CSMD2: variants seen among roughly 807,000 people sequenced by gnomAD.
The protein encoded by CSMD2 is CUB and sushi domain-containing protein 2.
Under a neutral mutation model 398.5 loss-of-function variants are expected in CSMD2, and 130 were observed. That is an observed-to-expected ratio of 0.33 (90% CI 0.28 to 0.38). CSMD2 has a LOEUF of 0.38. Among genes scored for constraint, CSMD2 ranks in the 10% least tolerant of loss-of-function variants. The pLI, the probability that CSMD2 is intolerant of heterozygous loss-of-function variation, is 1.00. For synonymous variants in CSMD2, 1,828 were observed against 1,908.5 expected (o/e 0.96, Z 1.10); for missense variants, 3,829 against 4,764.9 (o/e 0.80, Z 5.78).
intron 10 of CSMD2, among the ~76,000 whole-genome samples, chr1:33,797,239 G>C (rs899325538): frequency 3.9e-5 from 6 of 152,130 alleles, no homozygotes; most frequent in African/African-American, 1.4e-4. Context: ...AATAAAACTT[G>C]CTGGCTTTAA....
intron 13 of CSMD2, among the ~76,000 whole-genome samples, chr1:33,758,262 C>A (rs1649321352): frequency 6.6e-6 from 1 of 152,204 alleles, no homozygotes; most frequent in Non-Finnish European, 1.5e-5. Flanking sequence ...GCTCCTCCCC[C>A]ACTTACCCTT....
At chr1:34,130,205 A>T (rs1663193332) in intron 1 of CSMD2, among the ~76,000 whole-genome samples, 1 of 151,950 alleles carries the variant, frequency 6.6e-6, no homozygotes, top group African/African-American at 2.4e-5. Flanking sequence ...CAAGTAAACA[A>T]CAGTAGATCA....
intron 1 of CSMD2, among the ~76,000 whole-genome samples, chr1:34,111,231 T>G (rs867589443): frequency 1.3e-5 from 2 of 152,138 alleles, no homozygotes; most frequent in African/African-American, 4.8e-5. Context: ...AAAGTACAAT[T>G]CATATGGACC....
intron 53 of CSMD2, among the ~76,000 whole-genome samples, chr1:33,566,742 T>C (rs942273912): frequency 6.6e-6 from 1 of 152,196 alleles, no homozygotes; most frequent in Non-Finnish European, 1.5e-5. Context: ...GAGATACTAG[T>C]TATGAATATC....
rs1001697715 is a variant in CSMD2, at chr1:33,750,170, G to A, written c.1847-6564C>T. ...AATTCATATTACTAAGATGAAAAGT[G>A]TCCTAAATCATGGTACAAATTTAAC... On this transcript the variant is annotated intron_variant, in intron 13 of 70. Transcript: ENST00000373381. Among the ~76,000 whole-genome samples the A allele has an allele frequency of 4.6e-5, 7 of 151,970 alleles. No homozygotes were observed. The South Asian group carries it at 8.3e-4, about 18-fold the overall frequency.
chr1:33,778,896 C>T (rs1368574188), intron 12 of CSMD2, among the ~76,000 whole-genome samples: 1 of 152,100 alleles, frequency 6.6e-6, no homozygotes, highest in Non-Finnish European at 1.5e-5. Context: ...TGTCCTTCTC[C>T]CTCAGCTCTC....
intron 25 of CSMD2, among the ~76,000 whole-genome samples, chr1:33,677,288 A>C (rs926430270): frequency 1.4e-4 from 22 of 152,234 alleles, no homozygotes; most frequent in African/African-American, 5.3e-4. Context: ...ACCCCATCAA[A>C]AAGTGGGCAA....
chr1:34,087,089 C>G (rs2618774), intron 2 of CSMD2, among the ~76,000 whole-genome samples: 114,716 of 151,922 alleles, frequency 0.76, 43,886 homozygotes, highest in East Asian at 0.99. Context: ...AAAGTGGGCT[C>G]TGCCACAGCA....
At chr1:33,605,173 C>T in intron 42 of CSMD2, 109 bp downstream of exon 42, 1 of 1,095,814 alleles carries the variant, frequency 9.1e-7, no homozygotes, top group Non-Finnish European at 1.3e-6. Flanking sequence ...TTGCCTGGAC[C>T]TCCAGCCCTG....
In CSMD2 at chr1:33,528,402, G is replaced by C. The variant is rs144108421; in HGVS notation, c.10172-1144C>G. 4.3e-3 allele frequency among the ~76,000 whole-genome samples: 649 copies of C among 152,328 alleles called. 4 individuals are homozygous for C. The highest frequency in any genetic ancestry group is 0.014 in the Middle Eastern group (4 of 294). Reference sequence around the variant, plus strand: ...CGCCATTAAGGGCAGACTCCCCACTGTCTGCCTTGGCGGGGAGCACAGCTT... The same window carrying C: ...CGCCATTAAGGGCAGACTCCCCACTCTCTGCCTTGGCGGGGAGCACAGCTT... On this transcript the variant is annotated intron_variant, in intron 64 of 70. Coordinates refer to ENST00000373381, the MANE Select transcript of CSMD2 (RefSeq NM_001281956.2).
At chr1:33,706,583 CAT>C (rs1645785387) in intron 22 of CSMD2, among the ~76,000 whole-genome samples, 1 of 152,174 alleles carries the variant, frequency 6.6e-6, no homozygotes, top group Non-Finnish European at 1.5e-5. Context: ...ATTCCGAAGA[CAT>C]GTCTTCTTCT....
chr1:33,891,212 AAC>A (rs1641991835), intron 5 of CSMD2, among the ~76,000 whole-genome samples: 1 of 151,174 alleles, frequency 6.6e-6, no homozygotes, highest in Non-Finnish European at 1.5e-5. Context: ...AGAAAAAAAA[AAC>A]AACCCCATCA....
chr1:33,670,636 G>A (rs1644465679), intron 25 of CSMD2, among the ~76,000 whole-genome samples: 1 of 152,140 alleles, frequency 6.6e-6, no homozygotes, highest in African/African-American at 2.4e-5. Context: ...CTAAATCTGG[G>A]AGAAACTGGG....
intron 1 of CSMD2, among the ~76,000 whole-genome samples, chr1:34,150,106 G>C (rs1322619150): frequency 7.1e-6 from 1 of 140,528 alleles, no homozygotes; most frequent in East Asian, 2.1e-4. Context: ...TTTTGAGACA[G>C]GGTCTTGCTC....
chr1:33,772,422 C>T lies in CSMD2; in HGVS notation c.1846+147G>A, dbSNP rs527330538. 4.0e-4 allele frequency: 255 copies of T among 644,612 alleles called. 4 individuals carry two copies. In the South Asian group the frequency reaches 4.5e-3, roughly 11 times the overall value. The allele number at this position is 644,612 out of a possible 1,614,324, so 39.9% of individuals were successfully genotyped here. ...CCAGAAATAAGGACCCCACCAGCAACGTTCCGAGGAGTAGAATAAACCAAC... is the reference window on the plus strand; with the variant it reads ...CCAGAAATAAGGACCCCACCAGCAATGTTCCGAGGAGTAGAATAAACCAAC... On this transcript the variant is annotated intron_variant, in intron 13 of 70. Transcript: ENST00000373381.
chr1:33,767,141 T>C (rs1650612994), intron 13 of CSMD2, among the ~76,000 whole-genome samples: 1 of 152,234 alleles, frequency 6.6e-6, no homozygotes, highest in Non-Finnish European at 1.5e-5. Flanking sequence ...AACCCACAGA[T>C]TTTTAAGAAT....
At position 33,679,201 on chromosome 1, in the gene CSMD2, T is replaced by C. The variant is rs368681793; in HGVS notation, c.4052+13729A>G. Reference sequence around the variant, plus strand: ...AGACCTGGGTTCAAATTGCAGTTGTTTTTTTTTTTTTTTTTTTTTGAGATA... The same window carrying C: ...AGACCTGGGTTCAAATTGCAGTTGTCTTTTTTTTTTTTTTTTTTTGAGATA... On this transcript the variant is annotated intron_variant, in intron 25 of 70. Coordinates refer to ENST00000373381, the MANE Select transcript of CSMD2 (RefSeq NM_001281956.2). Among the ~76,000 whole-genome samples, 24 of 5,164 alleles carry C rather than the reference T, an allele frequency of 4.6e-3. No individual in the cohort carries two copies. The South Asian group carries it at 0.061, about 13-fold the overall frequency. The allele number at this position is 5,164 out of a possible 152,430, so 3.4% of individuals were successfully genotyped here.
intron 53 of CSMD2, among the ~76,000 whole-genome samples, chr1:33,567,246 T>A (rs1659131527): frequency 1.3e-5 from 2 of 151,926 alleles, no homozygotes; most frequent in Non-Finnish European, 1.5e-5. Context: ...AAAGCAGTGA[T>A]CAGAGGAAAT....
intron 15 of CSMD2, among the ~76,000 whole-genome samples, chr1:33,726,962 T>G (rs969707526): frequency 1.3e-5 from 2 of 152,154 alleles, no homozygotes; most frequent in Non-Finnish European, 2.9e-5. Flanking sequence ...ACAACTAATA[T>G]TTGGGCCACA....
Sources: gnomAD v4.1 joint callset for allele counts (sites outside exome capture counted in the v4.1 genomes callset) on GRCh38, gnomAD v4.1.1 for gene constraint, MANE v1.5 for transcripts, NCBI Gene and HGNC (gene_info 2026-07-23, HGNC 2026-07-21) for gene names.